The following ESRRB variants were observed in gnomAD, a reference collection of about 807,000 sequenced individuals.
ESRRB encodes steroid hormone receptor ERR2.
Under a neutral mutation model 46.0 loss-of-function variants are expected in ESRRB, and 16 were observed. The ratio of observed to expected loss-of-function variants is 0.35; its 90% CI spans 0.24 to 0.53. The LOEUF is 0.53. ESRRB is among the 20% of genes least tolerant of loss of function. ESRRB has a pLI of 0.93. For synonymous variants in ESRRB, 246 were observed against 259.6 expected (o/e 0.95, Z 0.50); for missense variants, 488 against 607.4 (o/e 0.80, Z 2.07).
chr14:76,358,082 C>T (rs1266040026), intron 1 of ESRRB, among the ~76,000 whole-genome samples: 11 of 151,744 alleles, frequency 7.2e-5, no homozygotes, highest in African/African-American at 1.9e-4. Flanking sequence ...AAGGCTGAGG[C>T]GGGCAGATCA....
intron 6 of ESRRB, 40 bp from the exon 7 acceptor site, chr14:76,498,174 C>A (rs758793486): frequency 6.2e-7 from 1 of 1,612,874 alleles, no homozygotes; most frequent in Middle Eastern, 1.7e-4. Flanking sequence ...AGGCAGCACT[C>A]CCTGGCCAAG....
intron 1 of ESRRB, among the ~76,000 whole-genome samples, chr14:76,321,677 A>G (rs529933210): frequency 3.9e-5 from 6 of 152,236 alleles, no homozygotes; most frequent in African/African-American, 1.4e-4. Context: ...GGGAGAAGGA[A>G]AGAGGCATTT....
At chr14:76,404,510 T>C (rs1388674801) in intron 1 of ESRRB, 1 of 152,498 alleles carries the variant, frequency 6.6e-6, no homozygotes, top group African/African-American at 2.4e-5. Context: ...TGGGCTGTGA[T>C]CTCTTAGCTA....
At chr14:76,324,276 C>G (rs1296897452) in intron 1 of ESRRB, among the ~76,000 whole-genome samples, 3 of 152,320 alleles carry the variant, frequency 2.0e-5, no homozygotes, top group Admixed American at 2.0e-4. Context: ...AACCCCAAGT[C>G]AATCAGTCAT....
At chr14:76,375,896 A>AC (rs1392422082), upstream of ESRRB, among the ~76,000 whole-genome samples, 3 of 23,990 alleles carry the variant, frequency 1.3e-4, no homozygotes, top group Non-Finnish European at 2.5e-4. Flanking sequence ...ATTCCCCCCC[A>AC]CCCCCCTTTA....
intron 1 of ESRRB, among the ~76,000 whole-genome samples, chr14:76,437,936 T>C (rs1887745360): frequency 6.6e-6 from 1 of 152,068 alleles, no homozygotes. Context: ...TCCCACACAG[T>C]GATCTTGCCA....
At chr14:76,492,844 G>A (rs1201707021) in intron 6 of ESRRB, among the ~76,000 whole-genome samples, 1 of 152,230 alleles carries the variant, frequency 6.6e-6, no homozygotes, top group Non-Finnish European at 1.5e-5. Context: ...ATGCCAGTAA[G>A]TGAACTTGAA....
chr14:76,487,650 C>G (rs890038157), intron 5 of ESRRB, among the ~76,000 whole-genome samples: 1 of 152,116 alleles, frequency 6.6e-6, no homozygotes, highest in Non-Finnish European at 1.5e-5. Flanking sequence ...GTCACCCAGG[C>G]TGGAATGCAG....
intron 1 of ESRRB, among the ~76,000 whole-genome samples, chr14:76,321,249 C>T (rs1291780064): frequency 6.6e-6 from 1 of 152,114 alleles, no homozygotes; most frequent in African/African-American, 2.4e-5. Context: ...CTCAGGCCTT[C>T]CCTATAGTCT....
rs931072964 is a variant in ESRRB, at chr14:76,428,785, G to A, written c.51-10556G>A. ...CAGCCTGGAAAATCATGGATAAAAA[G>A]CCCTGATTGAAAGGCACTAATTACC... is the stretch of plus-strand genomic sequence containing the variant. On this transcript the variant is annotated intron_variant, in intron 1 of 6. Coordinates refer to ENST00000644823, the MANE Select transcript of ESRRB (RefSeq NM_001379180.1). Among the ~76,000 whole-genome samples, 6 of 152,142 alleles carry A rather than the reference G, an allele frequency of 3.9e-5. No homozygotes were observed. In the East Asian group the frequency reaches 9.7e-4, roughly 24 times the overall value.
At chr14:76,406,528 G>A (rs916517584) in intron 1 of ESRRB, among the ~76,000 whole-genome samples, 27 of 152,220 alleles carry the variant, frequency 1.8e-4, no homozygotes, top group African/African-American at 5.3e-4. Context: ...GGTGGATCAC[G>A]AGGTCAGGAG....
chr14:76,478,689 A>G (rs1277285229), intron 3 of ESRRB, among the ~76,000 whole-genome samples: 2 of 152,102 alleles, frequency 1.3e-5, no homozygotes, highest in African/African-American at 2.4e-5. Flanking sequence ...TCCTGTCACC[A>G]TTCCAAGGGG....
intron 3 of ESRRB, among the ~76,000 whole-genome samples, chr14:76,481,804 C>G (rs1460652742): frequency 6.6e-6 from 1 of 152,144 alleles, no homozygotes; most frequent in Non-Finnish European, 1.5e-5. Context: ...GAGACAGGAC[C>G]AGGCCTGGGG....
intron 1 of ESRRB, among the ~76,000 whole-genome samples, chr14:76,430,760 G>C (rs1044611561): frequency 1.3e-5 from 2 of 152,228 alleles, no homozygotes; most frequent in African/African-American, 4.8e-5. Context: ...CCAGCATGCA[G>C]GCTTGTAGCC....
chr14:76,344,590 C>A (rs1566856692), intron 1 of ESRRB, among the ~76,000 whole-genome samples: 3 of 152,176 alleles, frequency 2.0e-5, no homozygotes. Flanking sequence ...GTGGCTCATG[C>A]CTGCAATCCC....
Position 76,427,935 on chromosome 14 carries a change from G to A in ESRRB, c.51-11406G>A, listed in dbSNP as rs144819051. 2.4e-3 allele frequency among the ~76,000 whole-genome samples: 363 copies of A among 152,280 alleles called. 2 individuals are homozygous for A. Among genetic ancestry groups the A allele is most frequent in the African/African-American group, 8.3e-3 (343 of 41,562 alleles). On this transcript the variant is annotated intron_variant, in intron 1 of 6. Coordinates refer to ENST00000644823, the MANE Select transcript of ESRRB (RefSeq NM_001379180.1). ...TAACCACAAAGCTCTCTGGCCCAGCGCCATGGCTACTATGAGGATTAAAGC... is the reference window on the plus strand; with the variant it reads ...TAACCACAAAGCTCTCTGGCCCAGCACCATGGCTACTATGAGGATTAAAGC...
intron 1 of ESRRB, among the ~76,000 whole-genome samples, chr14:76,343,358 C>T (rs1368821912): frequency 6.6e-6 from 1 of 152,236 alleles, no homozygotes; most frequent in Non-Finnish European, 1.5e-5. Context: ...AGAACATGGA[C>T]TCTGAAGTCA....
chr14:76,333,089 T>TA lies in ESRRB; in HGVS notation c.2+22173_2+22174insA, dbSNP rs1566853757. Among the ~76,000 whole-genome samples, 16 of 5,780 alleles carry TA rather than the reference T, an allele frequency of 2.8e-3. 4 individuals are homozygous for TA. The highest frequency in any genetic ancestry group is 4.6e-3 in the Non-Finnish European group (16 of 3,456). 3.8% of individuals were successfully genotyped at this position (5,780 alleles called of 152,430 possible). ...TTATATATTATATATATTATTTATA[T>TA]TATATATTATATATAATATATAATA... is the stretch of plus-strand genomic sequence containing the variant. On this transcript the variant is annotated intron_variant, in intron 1 of 6. Coordinates refer to the ESRRB transcript ENST00000512784.
rs370098286 is a variant in ESRRB at position 76,479,742 on chromosome 14, G to A, written c.578-2274G>A. ...TTTGATGGTGCACTTGGCTGAGCCT[G>A]TGTCACGGGTCCATGCCTTGACCTC... On this transcript the variant is annotated intron_variant, in intron 3 of 6. Coordinates refer to ENST00000644823, the MANE Select transcript of ESRRB (RefSeq NM_001379180.1). Among the ~76,000 whole-genome samples the A allele has an allele frequency of 7.2e-5, 11 of 152,306 alleles. No homozygotes were observed. The East Asian group carries it at 1.7e-3, about 24-fold the overall frequency.
Sources: gnomAD v4.1 joint callset for allele counts (sites outside exome capture counted in the v4.1 genomes callset) on GRCh38, gnomAD v4.1.1 for gene constraint, MANE v1.5 for transcripts, NCBI Gene and HGNC (gene_info 2026-07-23, HGNC 2026-07-21) for gene names.